The following MKI67 variants were observed in gnomAD, a reference collection of about 807,000 sequenced individuals.
MKI67 encodes the protein marker of proliferation Ki-67, also known as proliferation marker protein Ki-67.
MKI67 carries 152 observed loss-of-function variants against 233.5 expected under a neutral mutation model. The ratio of observed to expected loss-of-function variants is 0.65; its 90% CI spans 0.57 to 0.74. The LOEUF (loss-of-function observed/expected upper bound fraction) is 0.74. Among genes scored for constraint, MKI67 ranks in the 30% least tolerant of loss-of-function variants. MKI67 has a pLI of 0.00. For missense variants in MKI67, 3,940 were observed against 3,885.2 expected (o/e 1.01, Z -0.37); for synonymous variants, 1,465 against 1,418.5 (o/e 1.03, Z -0.74).
At chr10:128,119,386 C>G (rs1852881938) in intron 4 of MKI67, 67 bp from the exon 5 acceptor site, 10 of 1,061,084 alleles carry the variant, frequency 9.4e-6, no homozygotes, top group Non-Finnish European at 1.4e-5. Flanking sequence ...GTCTCCATAT[C>G]CACTTAATGT....
chr10:128,113,605 A>G lies in MKI67; in HGVS notation c.1481-3T>C, dbSNP rs151049680. 4.2e-4 allele frequency: 679 copies of G among 1,612,706 alleles called. 2 individuals are homozygous for G. In the African/African-American group the frequency reaches 8.0e-3, roughly 19 times the overall value. On this transcript the variant is annotated splice_region_variant and splice_polypyrimidine_tract_variant and intron_variant, in intron 7 of 14. Transcript: ENST00000368654. ...CAAAGGTATTCCCTCACTCTCATCT[A>G]AAGTAACGGATACAAATGTGGAAAG...
intron 14 of MKI67, among the ~76,000 whole-genome samples, chr10:128,099,851 G>A (rs1053282759): frequency 3.3e-5 from 5 of 152,184 alleles, no homozygotes; most frequent in Admixed American, 6.5e-5. Flanking sequence ...TGTGTTGGGC[G>A]TCTCCTGGGT....
Position 128,103,371 on chromosome 10 carries a change from T to C in MKI67, c.8469A>G (p.Ile2823Met), listed in dbSNP as rs760812134. ...CTAGTTCTGGTGATGATTTGCAGGGTATTTTAGTGGTTTTGTCATCAGTCA... is the reference window on the plus strand; with the variant it reads ...CTAGTTCTGGTGATGATTTGCAGGGCATTTTAGTGGTTTTGTCATCAGTCA... ...ESMTDDKTTK[I>M]PCKSSPELED... is the part of the protein sequence containing the mutation. The change falls in exon 13 of 15, where the codon ATA (isoleucine) becomes ATG (methionine). Residue 2823 changes from isoleucine (I) to methionine (M), a missense_variant. Transcript: ENST00000368654. 2.1e-5 allele frequency: 34 copies of C among 1,613,826 alleles called. No individual in the cohort carries two copies. The Admixed American group carries it at 5.0e-4, about 24-fold the overall frequency.
At position 128,106,269 on chromosome 10, in the gene MKI67, T is replaced by A; in HGVS notation, c.5571A>T (p.Ile1857=). Residue 1857 remains isoleucine, a synonymous_variant, in exon 13 of 15, where the codon ATA becomes ATT. Transcript: ENST00000368654. ...PTTDEKTTKK[I]LCKSPQSDPA... is the part of the protein sequence containing the mutation. ...GGTCTGATTGCGGAGATTTGCAGAGTATTTTTTTGGTAGTTTTCTCATCAG... is the reference window on the plus strand; with the variant it reads ...GGTCTGATTGCGGAGATTTGCAGAGAATTTTTTTGGTAGTTTTCTCATCAG... The A allele has an allele frequency of 6.2e-7, 1 of 1,613,834 alleles. No homozygotes were observed. The highest frequency in any genetic ancestry group is 1.1e-5 in the South Asian group (1 of 91,058).
chr10:128,121,184 A>G (rs373923435), intron 4 of MKI67, among the ~76,000 whole-genome samples: 9 of 151,820 alleles, frequency 5.9e-5, no homozygotes, highest in African/African-American at 2.2e-4. Flanking sequence ...GTACAGCCTC[A>G]AAATATACAA....
chr10:128,101,023 A>C (rs1182656130), intron 14 of MKI67, among the ~76,000 whole-genome samples: 5 of 152,252 alleles, frequency 3.3e-5, no homozygotes, highest in African/African-American at 9.6e-5. Context: ...TTTCTGAAGA[A>C]AGTCTTCATA....
At position 128,105,441 on chromosome 10, in the gene MKI67, C is replaced by G. The variant is rs1423993870; in HGVS notation, c.6399G>C (p.Glu2133Asp). 1.9e-6 allele frequency: 3 copies of G among 1,613,948 alleles called. No individual in the cohort carries two copies. The highest frequency in any genetic ancestry group is 2.5e-6 in the Non-Finnish European group (3 of 1,180,028). Residue 2133 changes from glutamate (E) to aspartate (D), a missense_variant, in exon 13 of 15, where the codon GAG becomes GAC. Coordinates refer to ENST00000368654, the MANE Select transcript of MKI67 (RefSeq NM_002417.5). ...TPLGKRDIVE[E>D]LSALKQLTQT... ...GTGTGAGCTGCTTCAGGGCTGAGAGCTCTTCCACTATATCCCTTTTCCCCA... is the reference window on the plus strand; with the variant it reads ...GTGTGAGCTGCTTCAGGGCTGAGAGGTCTTCCACTATATCCCTTTTCCCCA...
In MKI67 at chr10:128,112,211, T is replaced by C. The variant is rs997983; in HGVS notation, c.1891A>G (p.Ile631Val). Residue 631 changes from isoleucine (I) to valine (V), a missense_variant, in exon 9 of 15, where the codon ATC (isoleucine) becomes GTC (valine). Ile to Val is a conservative substitution (Grantham distance 29, BLOSUM62 3). Transcript: ENST00000368654. ...SGNLPSKRVSISRSQHDILQM... is the reference protein window; with the variant it reads ...SGNLPSKRVSVSRSQHDILQM... ...AAAATATCATGTTGACTTCGGCTGA[T>C]AGACACTCTCTTTGAAGGCAGGTTG... is the stretch of plus-strand genomic sequence containing the variant. 1.2e-6 allele frequency: 2 copies of C among 1,614,128 alleles called. No individual in the cohort carries two copies. Among genetic ancestry groups the C allele is most frequent in the Non-Finnish European group, 1.7e-6 (2 of 1,179,970 alleles).
chr10:128,116,513 T>A lies in MKI67; in HGVS notation c.378A>T (p.Arg126Ser), dbSNP rs1220543419. The A allele has an allele frequency of 6.2e-7, 1 of 1,614,000 alleles. No individual in the cohort carries two copies. Among genetic ancestry groups the A allele is most frequent in the Non-Finnish European group, 8.5e-7 (1 of 1,179,972 alleles). ...REQEPARRVS[R>S]SSFSSDPDEK... ...CACCAGGGTCAGAAGAGAAGCTAGATCTTGAGACACGACGTGCTGGCTCCT... is the reference window on the plus strand; with the variant it reads ...CACCAGGGTCAGAAGAGAAGCTAGAACTTGAGACACGACGTGCTGGCTCCT... Residue 126 changes from arginine (R) to serine (S), a missense_variant, in exon 6 of 15, where the codon AGA becomes AGT. Physicochemically the swap from Arg to Ser is moderately radical, Grantham distance 110. Coordinates refer to ENST00000368654, the MANE Select transcript of MKI67 (RefSeq NM_002417.5).
At position 128,099,271 on chromosome 10, in the gene MKI67, A is replaced by T. The variant is rs756904311; in HGVS notation, c.9706-16T>A. 9 of 1,606,358 alleles carry T rather than the reference A, an allele frequency of 5.6e-6. No individual in the cohort carries two copies. Among genetic ancestry groups the T allele is most frequent in the Non-Finnish European group, 7.7e-6 (9 of 1,176,270 alleles). On this transcript the variant is annotated splice_polypyrimidine_tract_variant and intron_variant, in intron 14 of 14. Transcript: ENST00000368654. ...TGTCCTCAGCCTGTGTGGGAAGAAA[A>T]AAAATAGAACTCTTAAGTAATTTAA...
chr10:128,123,698 T>A (rs181651136), intron 2 of MKI67, among the ~76,000 whole-genome samples: 1 of 152,336 alleles, frequency 6.6e-6, no homozygotes, highest in East Asian at 1.9e-4. Context: ...GCCTAGCACA[T>A]AGTAAATGCT....
Position 128,101,663 on chromosome 10 carries a change from C to T in MKI67, c.9300G>A (p.Glu3100=), listed in dbSNP as rs996220458. The change falls in exon 14 of 15, where the codon GAG becomes GAA. Residue 3100 remains glutamate (E), a synonymous_variant. Coordinates refer to ENST00000368654, the MANE Select transcript of MKI67 (RefSeq NM_002417.5). The stretch of plus-strand genomic sequence containing the variant: ...AGACCTCAGTTATTTGCTGTTCTGC[C>T]TCAGTCTTATTTTGGCGTCTGGAGC... ...SLRSRRQNKT[E]AEQQITEVFV... The T allele has an allele frequency of 1.2e-6, 2 of 1,609,038 alleles. No homozygotes were observed. Among genetic ancestry groups the T allele is most frequent in the African/African-American group, 2.7e-5 (2 of 74,462 alleles).
In MKI67 at chr10:128,122,908, A is replaced by G; in HGVS notation, c.260T>C (p.Val87Ala). 1 of 1,589,272 alleles carries G rather than the reference A, an allele frequency of 6.3e-7. No individual in the cohort carries two copies. The highest frequency in any genetic ancestry group is 2.3e-5 in the East Asian group (1 of 44,394). The change falls in exon 4 of 15, where the codon GTA becomes GCA. Residue 87 changes from valine (V) to alanine (A), a missense_variant. Coordinates refer to ENST00000368654, the MANE Select transcript of MKI67 (RefSeq NM_002417.5). ...DEPVRLKHGD[V>A]ITIIDRSFRY... is the part of the protein sequence containing the mutation. Reference sequence around the variant, plus strand: ...GAAGGAACGATCAATAATAGTTATTACATCTCCATGTTTTAGCCGTACAGG... The same window carrying G: ...GAAGGAACGATCAATAATAGTTATTGCATCTCCATGTTTTAGCCGTACAGG...
rs775187956 is a variant in MKI67, at chr10:128,115,064, CCA to C, written c.1342_1343del (p.Trp448AlafsTer5). 2.3e-5 allele frequency: 37 copies of C among 1,613,610 alleles called. No homozygotes were observed. The South Asian group carries it at 3.2e-4, about 14-fold the overall frequency. ...EIHNEPFLTL[W>X]LTQVERKIQK... ...GGATCTTCCTCTCAACTTGAGTGAG[CCA>C]CAGAGTTAAAAATGGCTCATTGTGA... On this transcript the variant is annotated frameshift_variant, in exon 7 of 15. Coordinates refer to ENST00000368654, the MANE Select transcript of MKI67 (RefSeq NM_002417.5). LOFTEE classifies it high-confidence loss of function.
intron 5 of MKI67, among the ~76,000 whole-genome samples, chr10:128,117,558 G>A (rs1022802831): frequency 6.6e-6 from 1 of 152,160 alleles, no homozygotes; most frequent in Non-Finnish European, 1.5e-5. Flanking sequence ...TGCCCCAAAG[G>A]AAGAAAAGCT....
At chr10:128,123,334 G>T (rs896903305) in intron 2 of MKI67, among the ~76,000 whole-genome samples, 165 bp from the exon 3 acceptor site, 2 of 152,138 alleles carry the variant, frequency 1.3e-5, no homozygotes, top group Non-Finnish European at 2.9e-5. Context: ...ATTTTGCAAA[G>T]AACTTTTGGA....
chr10:128,115,009 A>G lies in MKI67; in HGVS notation c.1399T>C (p.Leu467=). 5.0e-6 allele frequency: 8 copies of G among 1,610,792 alleles called. No individual in the cohort carries two copies. Among genetic ancestry groups the G allele is most frequent in the Non-Finnish European group, 5.9e-6 (7 of 1,177,022 alleles). ...QKDSLSKPEK[L]GTTAGQMCSG... ...CACATCTGTCCAGCTGTAGTGCCCAATTTCTCAGGCTTGCTGAGGGAATCC... is the reference window on the plus strand; with the variant it reads ...CACATCTGTCCAGCTGTAGTGCCCAGTTTCTCAGGCTTGCTGAGGGAATCC... The change falls in exon 7 of 15, where the codon TTG becomes CTG. Residue 467 remains leucine (L), a synonymous_variant. Coordinates refer to ENST00000368654, the MANE Select transcript of MKI67 (RefSeq NM_002417.5).
At position 128,102,577 on chromosome 10, in the gene MKI67, A is replaced by G; in HGVS notation, c.9261+2T>C. 6.2e-7 allele frequency: 1 copy of G among 1,612,046 alleles called. No homozygotes were observed. Among genetic ancestry groups the G allele is most frequent in the Non-Finnish European group, 8.5e-7 (1 of 1,178,794 alleles). Reference sequence around the variant, plus strand: ...GAGTGATGCTGTAATACTTCCTCTCACCTTATTTTCAGGGACCGAGTCTTG... The same window carrying G: ...GAGTGATGCTGTAATACTTCCTCTCGCCTTATTTTCAGGGACCGAGTCTTG... On this transcript the variant is annotated splice_donor_variant, in intron 13 of 14. Coordinates refer to ENST00000368654, the MANE Select transcript of MKI67 (RefSeq NM_002417.5). LOFTEE classifies it high-confidence loss of function.
rs370020855 is a variant in MKI67 at position 128,104,668 on chromosome 10, T to C, written c.7172A>G (p.Lys2391Arg). The C allele has an allele frequency of 2.2e-5, 36 of 1,613,668 alleles. No individual in the cohort carries two copies. In the Middle Eastern group the frequency reaches 4.9e-4, roughly 22 times the overall value. Residue 2391 changes from lysine to arginine, a missense_variant, in exon 13 of 15, where the codon AAA becomes AGA. Coordinates refer to ENST00000368654, the MANE Select transcript of MKI67 (RefSeq NM_002417.5). ...PSAGKAMDTP[K>R]PAVSDEKNIN... ...ATTTTTCTCATCACTTACTGCTGGT[T>C]TTGGTGTGTCCATGGCTTTGCCTGC... is the stretch of plus-strand genomic sequence containing the variant.
Sources: gnomAD v4.1 joint callset for allele counts (sites outside exome capture counted in the v4.1 genomes callset) on GRCh38, gnomAD v4.1.1 for gene constraint, MANE v1.5 for transcripts, NCBI Gene and HGNC (gene_info 2026-07-23, HGNC 2026-07-21) for gene names.